Variants in GPC5 observed in about 807,000 individuals in gnomAD.
GPC5 encodes glypican 5, also known as glypican-5.
Under a neutral mutation model 53.9 loss-of-function variants are expected in GPC5, and 47 were observed. That is an observed-to-expected ratio of 0.87 (90% CI 0.69 to 1.11). The LOEUF is 1.11. GPC5 is among the 50% of genes most tolerant of loss of function. The probability of loss-of-function intolerance (pLI) is 0.00; values close to 1 mark genes in which losing one functional copy is unlikely to be tolerated. For missense variants in GPC5, 748 were observed against 713.1 expected, an observed-to-expected ratio of 1.05 and a Z score of -0.56; for synonymous variants, 286 against 263.3, an observed-to-expected ratio of 1.09 and a Z score of -0.84.
At chr13:91,519,525 T>C (rs899569601) in intron 2 of GPC5, among the ~76,000 whole-genome samples, 3 of 152,180 alleles carry the variant, frequency 2.0e-5, no homozygotes, top group African/African-American at 7.2e-5. Flanking sequence ...CCCACTTCGC[T>C]CTCTGTCTCC....
At chr13:91,566,033 T>C (rs780310135) in intron 2 of GPC5, among the ~76,000 whole-genome samples, 2 of 152,270 alleles carry the variant, frequency 1.3e-5, no homozygotes, top group East Asian at 1.9e-4. Context: ...TTACTGGATT[T>C]AGGGCCCACA....
intron 7 of GPC5, among the ~76,000 whole-genome samples, chr13:92,559,836 G>A (rs570883219): frequency 2.4e-4 from 37 of 151,340 alleles, no homozygotes; most frequent in South Asian, 1.9e-3. Flanking sequence ...GCACAATAAC[G>A]TTTGTTTCTG....
At chr13:91,530,738 G>A (rs1886303799) in intron 2 of GPC5, among the ~76,000 whole-genome samples, 1 of 152,116 alleles carries the variant, frequency 6.6e-6, no homozygotes, top group Non-Finnish European at 1.5e-5. Flanking sequence ...GAATAACCAA[G>A]GGAGCGAGAT....
At chr13:91,816,695 G>A (rs147093533) in intron 5 of GPC5, among the ~76,000 whole-genome samples, 7 of 152,262 alleles carry the variant, frequency 4.6e-5, no homozygotes, top group East Asian at 1.9e-4. Context: ...CATAGAAGAC[G>A]CTTTTTGCAA....
At chr13:92,557,140 G>A (rs554570134) in intron 7 of GPC5, among the ~76,000 whole-genome samples, 2 of 151,524 alleles carry the variant, frequency 1.3e-5, no homozygotes, top group South Asian at 4.2e-4. Context: ...GAGGGATATA[G>A]CGCTATTCTA....
At chr13:91,869,478 T>C (rs1267633365) in intron 5 of GPC5, among the ~76,000 whole-genome samples, 4 of 152,210 alleles carry the variant, frequency 2.6e-5, no homozygotes, top group African/African-American at 9.7e-5. Flanking sequence ...CTTTTATAAA[T>C]TGGGTATAAC....
At chr13:92,582,123 T>A (rs1883392505) in intron 7 of GPC5, among the ~76,000 whole-genome samples, 1 of 152,136 alleles carries the variant, frequency 6.6e-6, no homozygotes, top group Admixed American at 6.5e-5. Context: ...ATTGCCTACA[T>A]CAATGTCATA....
intron 7 of GPC5, among the ~76,000 whole-genome samples, chr13:92,612,775 A>C (rs1884481837): frequency 6.6e-6 from 1 of 152,120 alleles, no homozygotes; most frequent in Non-Finnish European, 1.5e-5. Context: ...TATGACAGGA[A>C]CAGGGTTATA....
intron 7 of GPC5, among the ~76,000 whole-genome samples, chr13:92,536,754 T>G (rs1881737180): frequency 6.6e-6 from 1 of 152,054 alleles, no homozygotes; most frequent in African/African-American, 2.4e-5. Context: ...GGACAAAGTC[T>G]TTTGGTATAA....
intron 7 of GPC5, among the ~76,000 whole-genome samples, chr13:92,661,750 T>G (rs1312714728): frequency 6.6e-6 from 1 of 152,202 alleles, no homozygotes; most frequent in Admixed American, 6.5e-5. Flanking sequence ...TTAAAACATT[T>G]TTGGTATTTA....
At chr13:91,801,224 C>T (rs1182193231) in intron 5 of GPC5, among the ~76,000 whole-genome samples, 1 of 150,176 alleles carries the variant, frequency 6.7e-6, no homozygotes, top group Non-Finnish European at 1.5e-5. Context: ...AGATGTTGAG[C>T]AGAACTAACT....
intron 6 of GPC5, among the ~76,000 whole-genome samples, chr13:91,974,833 C>T (rs1316935698): frequency 2.0e-5 from 3 of 152,254 alleles, no homozygotes; most frequent in South Asian, 2.1e-4. Context: ...GCCAAAAGAA[C>T]AAAGCCGGAG....
chr13:92,276,214 A>G (rs1331057090), intron 7 of GPC5, among the ~76,000 whole-genome samples: 2 of 152,144 alleles, frequency 1.3e-5, no homozygotes, highest in Non-Finnish European at 2.9e-5. Context: ...CTTTTGTAAC[A>G]TACTGTCACA....
At chr13:91,928,680 CT>C (rs539333688) in intron 6 of GPC5, among the ~76,000 whole-genome samples, 10 of 152,164 alleles carry the variant, frequency 6.6e-5, no homozygotes, top group South Asian at 6.2e-4. Context: ...ACGTAGGGGA[CT>C]CCAGAAATCC....
rs539007294 is a variant in GPC5 at position 91,417,582 on chromosome 13, A to G, written c.163+18373A>G. Among the ~76,000 whole-genome samples the G allele has an allele frequency of 3.9e-5, 6 of 152,304 alleles. No homozygotes were observed. The South Asian group carries it at 1.0e-3, about 26-fold the overall frequency. On this transcript the variant is annotated intron_variant, in intron 1 of 7. Transcript: ENST00000377067. ...GGAGTACACTAAGTTGTTTTGAAAC[A>G]AAGAGAACACTGGATACAGGGACTT... is the stretch of plus-strand genomic sequence containing the variant.
intron 2 of GPC5, among the ~76,000 whole-genome samples, chr13:91,653,044 C>T (rs73609979): frequency 2.0e-5 from 3 of 152,100 alleles, no homozygotes; most frequent in South Asian, 2.1e-4. Context: ...AATTTCTACT[C>T]GTTGTCTTGC....
rs75025735 is a variant in GPC5 at position 92,548,984 on chromosome 13, G to T, written c.1562-317298G>T. Among the ~76,000 whole-genome samples the T allele has an allele frequency of 4.9e-3, 741 of 152,190 alleles. 6 individuals carry two copies. The highest frequency in any genetic ancestry group is 7.0e-3 in the Non-Finnish European group (478 of 67,964). On this transcript the variant is annotated intron_variant, in intron 7 of 7. Transcript: ENST00000377067. ...TGGTACAATATACATGAAGTTTAGAGATAAGCATTTAGAATAGATGATAAA... is the reference window on the plus strand; with the variant it reads ...TGGTACAATATACATGAAGTTTAGATATAAGCATTTAGAATAGATGATAAA...
intron 7 of GPC5, among the ~76,000 whole-genome samples, chr13:92,726,407 T>C (rs1033638305): frequency 6.6e-6 from 1 of 151,552 alleles, no homozygotes; most frequent in Admixed American, 6.6e-5. Flanking sequence ...TGTTTGTTTG[T>C]CTTGAGACAG....
intron 4 of GPC5, among the ~76,000 whole-genome samples, chr13:91,748,572 C>T (rs1395089015): frequency 6.6e-6 from 1 of 152,122 alleles, no homozygotes; most frequent in African/African-American, 2.4e-5. Flanking sequence ...AGCTGTGGTC[C>T]AAATCCTGGA....
Sources: allele counts gnomAD v4.1 joint callset (sites outside exome capture counted in the v4.1 genomes callset), GRCh38; gene constraint gnomAD v4.1.1; transcripts MANE v1.5; gene names NCBI Gene and HGNC (gene_info 2026-07-23, HGNC 2026-07-21).